The following NEURL1 variants were observed in gnomAD, a reference collection of about 807,000 sequenced individuals.
The protein encoded by NEURL1 is E3 ubiquitin-protein ligase NEURL1.
In NEURL1, 26 loss-of-function variants were observed where a neutral mutation model predicts 41.2. The ratio of observed to expected loss-of-function variants is 0.63; its 90% CI spans 0.46 to 0.87. The LOEUF (loss-of-function observed/expected upper bound fraction) is 0.87, where lower values mean the gene tolerates loss of function less well. Among genes scored for constraint, NEURL1 ranks in the 40% least tolerant of loss-of-function variants. The probability of loss-of-function intolerance (pLI) is 0.00; values close to 1 mark genes in which losing one functional copy is unlikely to be tolerated. For synonymous variants in NEURL1, 400 were observed against 402.3 expected (o/e 0.99, Z 0.07); for missense variants, 761 against 871.1 (o/e 0.87, Z 1.59).
intron 1 of NEURL1, among the ~76,000 whole-genome samples, chr10:103,546,541 GGT>G (rs2034928201): frequency 6.6e-6 from 1 of 152,174 alleles, no homozygotes; most frequent in Admixed American, 6.5e-5. Flanking sequence ...ATGTCCAGTA[GGT>G]GTGTTTCTAA....
chr10:103,585,166 C>G lies in NEURL1; in HGVS notation c.1280C>G (p.Ser427Trp), dbSNP rs779569267. ...GGCATGCAGCTGTGCGTGGACGCCT[C>G]GCAGCCGCTTTGGATGCTCTTCGGC... ...AAGMQLCVDASQPLWMLFGLH... is the reference protein window; with the variant it reads ...AAGMQLCVDAWQPLWMLFGLH... The change falls in exon 4 of 6, where the codon TCG becomes TGG. Residue 427 changes from serine (S) to tryptophan (W), a missense_variant. Transcript: ENST00000369780. The G allele has an allele frequency of 6.3e-7, 1 of 1,589,038 alleles. No homozygotes were observed. The highest frequency in any genetic ancestry group is 1.7e-5 in the Admixed American group (1 of 59,024).
At chr10:103,511,669 T>C (rs2034074884) in intron 1 of NEURL1, 2 of 152,350 alleles carry the variant, frequency 1.3e-5, no homozygotes, top group African/African-American at 2.4e-5. Context: ...CTTCGCCTAC[T>C]CTAGGAAGCT....
rs11191719 is a variant in NEURL1, at chr10:103,538,818, C to T, written c.86-32054C>T. Among the ~76,000 whole-genome samples the T allele has an allele frequency of 2.0e-5, 3 of 149,678 alleles. No homozygotes were observed. In the South Asian group the frequency reaches 6.4e-4, roughly 32 times the overall value. On this transcript the variant is annotated intron_variant, in intron 1 of 5. Coordinates refer to ENST00000369780, the MANE Select transcript of NEURL1 (RefSeq NM_004210.5). ...CATGCCACCTTGCCCCGCTAATTTT[C>T]GTAATTTTAGTAGAGGAGGGGTTTC... is the stretch of plus-strand genomic sequence containing the variant.
At chr10:103,546,753 G>A (rs890159652) in intron 1 of NEURL1, among the ~76,000 whole-genome samples, 6 of 152,252 alleles carry the variant, frequency 3.9e-5, no homozygotes, top group Non-Finnish European at 5.9e-5. Context: ...TTTTTTCAGA[G>A]GAAGAGGTGC....
At chr10:103,546,689 C>A (rs1027079175) in intron 1 of NEURL1, among the ~76,000 whole-genome samples, 5 of 152,230 alleles carry the variant, frequency 3.3e-5, no homozygotes, top group African/African-American at 1.2e-4. Context: ...ATGCTGGCAG[C>A]AGATGTAATT....
chr10:103,532,643 G>A (rs2034595084), intron 1 of NEURL1, among the ~76,000 whole-genome samples: 1 of 152,012 alleles, frequency 6.6e-6, no homozygotes, highest in Non-Finnish European at 1.5e-5. Flanking sequence ...TAGTCTAATA[G>A]ATATTCCTTT....
intron 1 of NEURL1, among the ~76,000 whole-genome samples, chr10:103,548,775 C>T (rs2034976597): frequency 6.6e-6 from 1 of 152,190 alleles, no homozygotes; most frequent in African/African-American, 2.4e-5. Flanking sequence ...GCGGCCGTCA[C>T]AGGTGTTATG....
At chr10:103,530,480 C>T (rs1239702529) in intron 1 of NEURL1, among the ~76,000 whole-genome samples, 2 of 151,970 alleles carry the variant, frequency 1.3e-5, no homozygotes, top group Admixed American at 1.3e-4. Context: ...TGTATTTGTA[C>T]AATTTCACAA....
intron 1 of NEURL1, among the ~76,000 whole-genome samples, chr10:103,522,353 A>G (rs145368220): frequency 3.3e-5 from 5 of 151,924 alleles, no homozygotes; most frequent in Non-Finnish European, 7.4e-5. Context: ...CACGCCTGTA[A>G]TCCCAGAACC....
chr10:103,580,702 G>T (rs1386698459), intron 3 of NEURL1, among the ~76,000 whole-genome samples: 1 of 152,174 alleles, frequency 6.6e-6, no homozygotes. Context: ...ACCCTGAGGG[G>T]TGGAGAGGGA....
At chr10:103,530,228 C>T (rs1218595100) in intron 1 of NEURL1, among the ~76,000 whole-genome samples, 1 of 151,840 alleles carries the variant, frequency 6.6e-6, no homozygotes, top group Non-Finnish European at 1.5e-5. Flanking sequence ...ACCTTTCCCA[C>T]TACTAACTTT....
At position 103,565,467 on chromosome 10, in the gene NEURL1, T is replaced by C. The variant is rs1366941562; in HGVS notation, c.86-5405T>C. On this transcript the variant is annotated intron_variant, in intron 1 of 5. Transcript: ENST00000369780. ...GGGAACCCCCGTTCTGTTTCACAGC[T>C]GTGGAAGGAACTTAAGGGTTAGGGT... 2.6e-5 allele frequency among the ~76,000 whole-genome samples: 4 copies of C among 152,222 alleles called. No individual in the cohort carries two copies. In the South Asian group the frequency reaches 8.3e-4, roughly 32 times the overall value.
chr10:103,551,013 G>C (rs12414184), intron 1 of NEURL1: 51,509 of 151,902 alleles, frequency 0.34, 8,939 homozygotes, highest in South Asian at 0.41. Context: ...CTTTCACATC[G>C]TTTCCAAAGT....
In NEURL1 at chr10:103,494,239, A is replaced by G; in HGVS notation, c.-149A>G. 1 of 576,072 alleles carries G rather than the reference A, an allele frequency of 1.7e-6. No homozygotes were observed. Among genetic ancestry groups the G allele is most frequent in the Non-Finnish European group, 3.0e-6 (1 of 338,174 alleles). 35.7% of individuals were successfully genotyped at this position (576,072 alleles called of 1,614,324 possible). A position where few individuals can be genotyped will look rare whatever the true frequency, so the allele number is the denominator to read the frequency against. Reference sequence around the variant, plus strand: ...CGCGAAGTCCAGAGAAAGGAAGCTGAGGAGCTGCCCGCCCGCCCCCGGCTG... The same window carrying G: ...CGCGAAGTCCAGAGAAAGGAAGCTGGGGAGCTGCCCGCCCGCCCCCGGCTG... On this transcript the variant is annotated 5_prime_UTR_variant, in exon 1 of 6. Coordinates refer to ENST00000369780, the MANE Select transcript of NEURL1 (RefSeq NM_004210.5).
chr10:103,536,433 A>G (rs1055387013), intron 1 of NEURL1, among the ~76,000 whole-genome samples: 1 of 152,070 alleles, frequency 6.6e-6, no homozygotes, highest in Non-Finnish European at 1.5e-5. Flanking sequence ...AGTTCCAGCT[A>G]CTTGGGAGGC....
chr10:103,508,131 T>C lies in NEURL1; in HGVS notation c.85+13659T>C, dbSNP rs184310138. On this transcript the variant is annotated intron_variant, in intron 1 of 5. Coordinates refer to ENST00000369780, the MANE Select transcript of NEURL1 (RefSeq NM_004210.5). This position sits in a 1 kb window ranked among gnomAD's most constrained non-coding sequence, Gnocchi z 4.3. ...GAGAACCAGGCAACAGCTGGGAAAG[T>C]GGGGAGAGGAGGAAACGCCTGTTTG... Among the ~76,000 whole-genome samples, 281 of 152,320 alleles carry C rather than the reference T, an allele frequency of 1.8e-3. No homozygotes were observed. The highest frequency in any genetic ancestry group is 6.5e-3 in the African/African-American group (269 of 41,574).
intron 1 of NEURL1, among the ~76,000 whole-genome samples, chr10:103,519,766 G>GT (rs56157306): frequency 0.48 from 71,726 of 150,116 alleles, 17,615 homozygotes; most frequent in East Asian, 0.58. Flanking sequence ...ACCAGCAATA[G>GT]TTTTTTGTTG....
chr10:103,509,506 GA>G (rs2034023490), intron 1 of NEURL1, among the ~76,000 whole-genome samples: 1 of 152,156 alleles, frequency 6.6e-6, no homozygotes, highest in Non-Finnish European at 1.5e-5. Flanking sequence ...CCTAACCATA[GA>G]AAAGGTAACA....
At chr10:103,585,644 C>A (rs1190399566) in intron 4 of NEURL1, among the ~76,000 whole-genome samples, 1 of 152,086 alleles carries the variant, frequency 6.6e-6, no homozygotes, top group Non-Finnish European at 1.5e-5. Flanking sequence ...ACCATCCTGG[C>A]TAACACGGTG....
Sources: allele counts gnomAD v4.1 joint callset (sites outside exome capture counted in the v4.1 genomes callset), GRCh38; gene constraint gnomAD v4.1.1; non-coding constraint Gnocchi (gnomAD v3.1); transcripts MANE v1.5; gene names NCBI Gene and HGNC (gene_info 2026-07-23, HGNC 2026-07-21).